The following TFAP2D variants were observed in gnomAD, a reference collection of about 807,000 sequenced individuals.
TFAP2D encodes the protein transcription factor AP-2-delta.
In TFAP2D, 9 loss-of-function variants were observed where a neutral mutation model predicts 43.6. The ratio of observed to expected loss-of-function variants is 0.21; its 90% CI spans 0.12 to 0.36. The LOEUF is 0.36. Ranked by LOEUF, TFAP2D falls within the 10% of genes least tolerant of loss-of-function variation. TFAP2D has a pLI of 1.00. For synonymous variants in TFAP2D, 256 were observed against 224.9 expected (o/e 1.14, Z -1.24); for missense variants, 513 against 561.4 (o/e 0.91, Z 0.87).
At position 50,714,970 on chromosome 6, in the gene TFAP2D, C is replaced by T. The variant is rs1044611361; in HGVS notation, c.40-146C>T. 7 of 1,078,064 alleles carry T rather than the reference C, an allele frequency of 6.5e-6. No individual in the cohort carries two copies. In the African/African-American group the frequency reaches 9.6e-5, roughly 15 times the overall value. 66.8% of individuals were successfully genotyped at this position (1,078,064 alleles called of 1,614,324 possible). ...AGGCTCTCTGGTGAAGACGCTGAGA[C>T]CCGGCTTCGGCTCGGCCCGAGTCCT... On this transcript the variant is annotated intron_variant, in intron 1 of 7. Transcript: ENST00000008391.
chr6:50,754,046 A>C (rs561671350), intron 7 of TFAP2D, among the ~76,000 whole-genome samples: 12 of 151,982 alleles, frequency 7.9e-5, no homozygotes, highest in Non-Finnish European at 1.8e-4. Context: ...AGTGTCAAGC[A>C]TATTCTCATT....
chr6:50,715,364 C>G lies in TFAP2D; in HGVS notation c.288C>G (p.His96Gln), dbSNP rs1406234412. ...TPDAYSLNSLHHSQQYYQQIH... is the reference protein window; with the variant it reads ...TPDAYSLNSLQHSQQYYQQIH... Reference sequence around the variant, plus strand: ...ACGCCTACTCTCTGAACTCTCTCCACCACTCGCAACAGTACTACCAGCAGA... The same window carrying G: ...ACGCCTACTCTCTGAACTCTCTCCAGCACTCGCAACAGTACTACCAGCAGA... The change falls in exon 2 of 8, where the codon CAC becomes CAG. Residue 96 changes from histidine to glutamine, a missense_variant. By Grantham distance (24) the His-to-Gln change is conservative. Around this residue, in one of 3 missense-constraint regions of TFAP2D, gnomAD observed 311 missense variants for 316.2 expected, o/e 0.98. Coordinates refer to ENST00000008391, the MANE Select transcript of TFAP2D (RefSeq NM_172238.4). The G allele has an allele frequency of 6.2e-7, 1 of 1,614,168 alleles. No homozygotes were observed. Among genetic ancestry groups the G allele is most frequent in the Non-Finnish European group, 8.5e-7 (1 of 1,180,038 alleles).
chr6:50,761,896 T>C (rs1769368391), intron 7 of TFAP2D, among the ~76,000 whole-genome samples: 1 of 152,050 alleles, frequency 6.6e-6, no homozygotes, highest in Admixed American at 6.6e-5. Context: ...AAGATAAATG[T>C]AGGTAAGGCC....
chr6:50,715,234 C>A lies in TFAP2D; in HGVS notation c.158C>A (p.Thr53Asn). 1.2e-6 allele frequency: 2 copies of A among 1,614,056 alleles called. No homozygotes were observed. The highest frequency in any genetic ancestry group is 1.7e-6 in the Non-Finnish European group (2 of 1,180,024). ...SSPLTYSTTGTEFASPYFSTN... is the reference protein window; with the variant it reads ...SSPLTYSTTGNEFASPYFSTN... ...CCTTTAACTTACTCCACCACCGGCA[C>A]CGAGTTTGCGTCCCCCTACTTCTCC... The change falls in exon 2 of 8, where the codon ACC becomes AAC. Residue 53 changes from threonine to asparagine, a missense_variant. Physicochemically the swap from Thr to Asn is moderately conservative, Grantham distance 65. This residue lies in a region of TFAP2D where 311 missense variants were observed against 316.2 expected (regional missense o/e 0.98). Transcript: ENST00000008391.
At chr6:50,748,486 G>T (rs1024258844) in intron 6 of TFAP2D, among the ~76,000 whole-genome samples, 1 of 151,660 alleles carries the variant, frequency 6.6e-6, no homozygotes, top group Non-Finnish European at 1.5e-5. Flanking sequence ...TTACCTCCAT[G>T]GATTACAGAT....
chr6:50,767,643 A>G (rs747569520), intron 7 of TFAP2D, among the ~76,000 whole-genome samples: 1 of 152,222 alleles, frequency 6.6e-6, no homozygotes, highest in South Asian at 2.1e-4. Flanking sequence ...TTTCATCAGT[A>G]TCATCAAAGA....
intron 7 of TFAP2D, among the ~76,000 whole-genome samples, chr6:50,754,111 A>G (rs913529982): frequency 2.0e-5 from 3 of 151,854 alleles, no homozygotes; most frequent in Non-Finnish European, 4.4e-5. Context: ...CTCTGTACCC[A>G]TTAAACAACT....
chr6:50,741,708 A>G (rs1241588454), intron 5 of TFAP2D, among the ~76,000 whole-genome samples: 2 of 152,022 alleles, frequency 1.3e-5, no homozygotes, highest in African/African-American at 4.8e-5. Context: ...TTAAAAAAAA[A>G]AGGTGCATGG....
chr6:50,748,776 G>C (rs1330996922), intron 6 of TFAP2D, among the ~76,000 whole-genome samples: 1 of 151,836 alleles, frequency 6.6e-6, no homozygotes, highest in Non-Finnish European at 1.5e-5. Flanking sequence ...CTGCATTAAG[G>C]TAAAGCAGAA....
At position 50,728,891 on chromosome 6, in the gene TFAP2D, T is replaced by G. The variant is rs767828490; in HGVS notation, c.634T>G (p.Cys212Gly). 18 of 1,613,972 alleles carry G rather than the reference T, an allele frequency of 1.1e-5. No homozygotes were observed. ...TGTGGTCAACCCCACAGACTTATTTTGCTCTGTCCCTGGCCGTTTGTCCCT... is the reference window on the plus strand; with the variant it reads ...TGTGGTCAACCCCACAGACTTATTTGGCTCTGTCCCTGGCCGTTTGTCCCT... Reference protein sequence around the residue: ...TCVVNPTDLFCSVPGRLSLLS... With the variant: ...TCVVNPTDLFGSVPGRLSLLS... The change falls in exon 4 of 8, where the codon TGC (cysteine) becomes GGC (glycine). Residue 212 changes from cysteine to glycine, a missense_variant. Cys to Gly is a radical substitution (Grantham distance 159, BLOSUM62 -3). This residue lies in a region of TFAP2D where 311 missense variants were observed against 316.2 expected (regional missense o/e 0.98). Coordinates refer to ENST00000008391, the MANE Select transcript of TFAP2D (RefSeq NM_172238.4).
intron 5 of TFAP2D, among the ~76,000 whole-genome samples, chr6:50,735,088 C>A (rs1455183057): frequency 6.6e-6 from 1 of 152,114 alleles, no homozygotes; most frequent in East Asian, 1.9e-4. Flanking sequence ...AAGATTGTTG[C>A]AAGGGTTAAA....
chr6:50,751,593 G>A (rs951436352), intron 7 of TFAP2D, among the ~76,000 whole-genome samples: 12 of 151,830 alleles, frequency 7.9e-5, no homozygotes, highest in African/African-American at 2.7e-4. Context: ...AGATGGCACC[G>A]TCTCCATTTT....
intron 5 of TFAP2D, among the ~76,000 whole-genome samples, chr6:50,739,878 T>C (rs955917305): frequency 3.1e-4 from 47 of 152,210 alleles, no homozygotes; most frequent in African/African-American, 1.1e-3. Context: ...AAACACAAAG[T>C]GTTGGTGTTT....
At chr6:50,748,732 T>C (rs1561938332) in intron 6 of TFAP2D, among the ~76,000 whole-genome samples, 1 of 151,918 alleles carries the variant, frequency 6.6e-6, no homozygotes, top group Non-Finnish European at 1.5e-5. Flanking sequence ...AACCTTTTGA[T>C]TGAATTTAGA....
intron 6 of TFAP2D, among the ~76,000 whole-genome samples, chr6:50,749,053 T>C (rs1483480766): frequency 6.6e-6 from 1 of 151,796 alleles, no homozygotes; most frequent in African/African-American, 2.4e-5. Flanking sequence ...CATAATTCTG[T>C]AAGTGCCATA....
intron 7 of TFAP2D, among the ~76,000 whole-genome samples, chr6:50,769,851 T>C (rs1316711246): frequency 6.6e-6 from 1 of 152,226 alleles, no homozygotes; most frequent in Non-Finnish European, 1.5e-5. Flanking sequence ...TAGTTCTTAG[T>C]GTTGTAACTA....
intron 5 of TFAP2D, among the ~76,000 whole-genome samples, chr6:50,742,342 T>C (rs965998839): frequency 2.0e-5 from 3 of 151,902 alleles, no homozygotes; most frequent in African/African-American, 4.8e-5. Context: ...TCAGTGTAAA[T>C]GTAAATAGCA....
At position 50,745,122 on chromosome 6, in the gene TFAP2D, T is replaced by G; in HGVS notation, c.899T>G (p.Leu300Trp). Residue 300 changes from leucine to tryptophan, a missense_variant, in exon 6 of 8, where the codon TTG (leucine) becomes TGG (tryptophan). Physicochemically the swap from Leu to Trp is moderately conservative, Grantham distance 61 (BLOSUM62 -2). Transcript: ENST00000008391. The stretch of plus-strand genomic sequence containing the variant: ...CTGCCAACAGGGGAGGCTTTGCACT[T>G]GGCTCGGGATTTTGGCTACACTTGT... ...TSLVEGEALH[L>W]ARDFGYTCET... 6.2e-7 allele frequency: 1 copy of G among 1,613,602 alleles called. No individual in the cohort carries two copies. The highest frequency in any genetic ancestry group is 8.5e-7 in the Non-Finnish European group (1 of 1,179,738).
rs746969468 is a variant in TFAP2D, at chr6:50,715,280, G to C, written c.204G>C (p.Pro68=). The C allele has an allele frequency of 2.5e-5, 40 of 1,613,270 alleles. No homozygotes were observed. Among genetic ancestry groups the C allele is most frequent in the Non-Finnish European group, 2.6e-5 (31 of 1,179,838 alleles). The change falls in exon 2 of 8, where the codon CCG becomes CCC. Residue 68 remains proline (P), a synonymous_variant. Transcript: ENST00000008391. ...TCTCCACTAACCACCAGTACACCCC[G>C]CTCCACCACCAGTCCTTCCATTACG... The part of the protein sequence containing the change: ...PYFSTNHQYT[P]LHHQSFHYEF...
Sources: allele counts gnomAD v4.1 joint callset (sites outside exome capture counted in the v4.1 genomes callset), GRCh38; gene constraint gnomAD v4.1.1; regional missense constraint gnomAD v4.1.1; transcripts MANE v1.5; gene names NCBI Gene and HGNC (gene_info 2026-07-23, HGNC 2026-07-21).